Variants in MYLK3 observed in about 807,000 individuals in gnomAD.
The protein encoded by MYLK3 is myosin light chain kinase 3.
MYLK3 carries 55 observed loss-of-function variants against 76.3 expected under a neutral mutation model. The observed-to-expected ratio is 0.72, with a 90% CI of 0.58 to 0.90. The LOEUF is 0.90. Among genes scored for constraint, MYLK3 ranks in the 40% least tolerant of loss-of-function variants. The pLI is 0.00. For synonymous variants in MYLK3, 416 were observed against 425.4 expected, an observed-to-expected ratio of 0.98 and a Z score of 0.27; for missense variants, 973 against 1,053.6, an observed-to-expected ratio of 0.92 and a Z score of 1.06.
At chr16:46,753,683 G>T (rs1967159113) in intron 1 of MYLK3, among the ~76,000 whole-genome samples, 1 of 152,192 alleles carries the variant, frequency 6.6e-6, no homozygotes, top group Admixed American at 6.5e-5. Context: ...GGCCAGGGTG[G>T]GGGGCTCGAT....
Position 46,707,655 on chromosome 16 carries a change from C to T in MYLK3, c.*49G>A. Reference sequence around the variant, plus strand: ...ATGTTTGAGTCATCTCTTCACTTCACCACTGGCCTCAGTAATTTCTGGACC... The same window carrying T: ...ATGTTTGAGTCATCTCTTCACTTCATCACTGGCCTCAGTAATTTCTGGACC... On this transcript the variant is annotated 3_prime_UTR_variant, in exon 13 of 13. Transcript: ENST00000394809. 1 of 1,309,554 alleles carries T rather than the reference C, an allele frequency of 7.6e-7. No individual in the cohort carries two copies. Among genetic ancestry groups the T allele is most frequent in the East Asian group, 2.3e-5 (1 of 43,008 alleles). The allele number at this position is 1,309,554 out of a possible 1,614,324, so 81.1% of individuals were successfully genotyped here. A position where few individuals can be genotyped will look rare whatever the true frequency, so the allele number is the denominator to read the frequency against.
At chr16:46,719,341 A>G (rs184446921) in intron 9 of MYLK3, among the ~76,000 whole-genome samples, 81 of 152,114 alleles carry the variant, frequency 5.3e-4, no homozygotes, top group African/African-American at 1.8e-3. Flanking sequence ...AAAAAAAAAA[A>G]AGAAGATATG....
chr16:46,762,783 G>T (rs1967296113), intron 1 of MYLK3, among the ~76,000 whole-genome samples: 1 of 152,190 alleles, frequency 6.6e-6, no homozygotes, highest in Admixed American at 6.5e-5. Context: ...AGCATTCTCA[G>T]ATGATCTGAG....
upstream of MYLK3, among the ~76,000 whole-genome samples, chr16:46,749,013 A>G (rs1967080350): frequency 6.6e-6 from 1 of 152,176 alleles, no homozygotes; most frequent in South Asian, 2.1e-4. Context: ...CCCCAATAAC[A>G]ACTATGCAGG....
intron 1 of MYLK3, among the ~76,000 whole-genome samples, chr16:46,762,164 G>C (rs1295423209): frequency 6.6e-6 from 1 of 152,162 alleles, no homozygotes; most frequent in Non-Finnish European, 1.5e-5. Flanking sequence ...AAATCTCTAA[G>C]GATATGCAAT....
intron 1 of MYLK3, 67 bp downstream of exon 1, chr16:46,747,650 T>C: frequency 6.8e-7 from 1 of 1,476,276 alleles, no homozygotes; most frequent in Non-Finnish European, 9.3e-7. Context: ...AAACACTGGC[T>C]GCCTGGCCAG....
At chr16:46,731,543 C>T (rs1966852516) in intron 4 of MYLK3, among the ~76,000 whole-genome samples, 2 of 152,194 alleles carry the variant, frequency 1.3e-5, no homozygotes, top group African/African-American at 2.4e-5. Context: ...TTTGCCTGCT[C>T]TCCAACTACC....
chr16:46,726,219 G>T (rs998706252), intron 8 of MYLK3: 2 of 152,074 alleles, frequency 1.3e-5, no homozygotes, highest in African/African-American at 4.8e-5. Flanking sequence ...ACCACTCAGC[G>T]CCTATTATTA....
intron 1 of MYLK3, among the ~76,000 whole-genome samples, chr16:46,753,413 T>C (rs1249947539): frequency 1.3e-5 from 2 of 152,184 alleles, no homozygotes; most frequent in Non-Finnish European, 2.9e-5. Flanking sequence ...GCGTCCCACC[T>C]GATCATCCTC....
chr16:46,738,321 C>T (rs117064430), intron 2 of MYLK3, among the ~76,000 whole-genome samples, 178 bp from the exon 3 acceptor site: 3,865 of 152,282 alleles, frequency 0.025, 69 homozygotes, highest in Non-Finnish European at 0.036. Context: ...ACAAGGAGTG[C>T]GGCACAGCCG....
At chr16:46,743,786 G>T (rs1370100716) in intron 1 of MYLK3, among the ~76,000 whole-genome samples, 1 of 152,170 alleles carries the variant, frequency 6.6e-6, no homozygotes, top group South Asian at 2.1e-4. Flanking sequence ...ATAGGAAAGA[G>T]GGGGAAAAGA....
In MYLK3 at chr16:46,707,733, T is replaced by A. The variant is rs1360565762; in HGVS notation, c.2431A>T (p.Arg811Trp). The A allele has an allele frequency of 6.2e-7, 1 of 1,613,242 alleles. No homozygotes were observed. Among genetic ancestry groups the A allele is most frequent in the Admixed American group, 1.7e-5 (1 of 60,004 alleles). ...KHFYVVTAAN[R>W]LRKFPTSP ...GGAGAAGTTGGAAATTTCCTTAACCTGTTGGCAGCAGTCACCACATAGAAA... is the reference window on the plus strand; with the variant it reads ...GGAGAAGTTGGAAATTTCCTTAACCAGTTGGCAGCAGTCACCACATAGAAA... The change falls in exon 13 of 13, where the codon AGG becomes TGG. Residue 811 changes from arginine to tryptophan, a missense_variant. Physicochemically the swap from Arg to Trp is moderately radical, Grantham distance 101. Transcript: ENST00000394809.
rs1355458570 is a variant in MYLK3 at position 46,712,636 on chromosome 16, C to T, written c.2114+12G>A. The stretch of plus-strand genomic sequence containing the variant: ...CTGTCCCCACTTCAGAGCCAGGGTG[C>T]TAAGCACTCACAGCATGTAGGTGAT... On this transcript the variant is annotated intron_variant, in intron 10 of 12. Transcript: ENST00000394809. 2.0e-6 allele frequency: 3 copies of T among 1,478,042 alleles called. No homozygotes were observed. In the African/African-American group the frequency reaches 4.3e-5, roughly 21 times the overall value. The allele number at this position is 1,478,042 out of a possible 1,614,324, so 91.6% of individuals were successfully genotyped here. A position where few individuals can be genotyped will look rare whatever the true frequency, so the allele number is the denominator to read the frequency against.
intron 11 of MYLK3, 101 bp downstream of exon 11, chr16:46,710,536 G>C: frequency 7.6e-7 from 1 of 1,315,324 alleles, no homozygotes; most frequent in Non-Finnish European, 1.1e-6. Context: ...AATGGAATTT[G>C]TCCACAGGAA....
chr16:46,722,644 T>C (rs1215657954), intron 8 of MYLK3, among the ~76,000 whole-genome samples: 1 of 151,474 alleles, frequency 6.6e-6, no homozygotes, highest in East Asian at 1.9e-4. Flanking sequence ...AAGAAACAGG[T>C]GAACTTAAAT....
intron 9 of MYLK3, among the ~76,000 whole-genome samples, chr16:46,716,323 T>C (rs1966736914): frequency 1.3e-5 from 2 of 151,826 alleles, no homozygotes; most frequent in Admixed American, 6.6e-5. Context: ...GATAGATAGA[T>C]AGACAGATAG....
intron 9 of MYLK3, among the ~76,000 whole-genome samples, chr16:46,720,148 A>G (rs1488764828): frequency 1.3e-5 from 2 of 152,254 alleles, no homozygotes; most frequent in Non-Finnish European, 2.9e-5. Flanking sequence ...ACTGCACTCC[A>G]GTCTGGGCAA....
intron 2 of MYLK3, among the ~76,000 whole-genome samples, chr16:46,739,116 C>T (rs1472834765): frequency 6.6e-6 from 1 of 152,158 alleles, no homozygotes; most frequent in Non-Finnish European, 1.5e-5. Context: ...GCTGGGATTA[C>T]AGGTGTGAGC....
chr16:46,755,906 C>CTTTTTTT (rs772833701), intron 1 of MYLK3, among the ~76,000 whole-genome samples: 17 of 109,740 alleles, frequency 1.5e-4, no homozygotes, highest in Admixed American at 3.3e-4. Flanking sequence ...TTTTTTCTTT[C>CTTTTTTT]TTTTTTTTTT....
Sources: gnomAD v4.1 joint callset for allele counts (sites outside exome capture counted in the v4.1 genomes callset) on GRCh38, gnomAD v4.1.1 for gene constraint, MANE v1.5 for transcripts, NCBI Gene and HGNC (gene_info 2026-07-23, HGNC 2026-07-21) for gene names.